COL21A1: variants seen among roughly 807,000 people sequenced by gnomAD.
The protein encoded by COL21A1 is collagen type XXI alpha 1 chain.
Under a neutral mutation model 137.9 loss-of-function variants are expected in COL21A1, and 149 were observed. The observed-to-expected ratio is 1.08, with a 90% CI of 0.95 to 1.24. The LOEUF is 1.24. COL21A1 is among the 50% of genes most tolerant of loss of function. The pLI is 0.00. For synonymous variants in COL21A1, 456 were observed against 391.5 expected (o/e 1.16, Z -1.95); for missense variants, 1,167 against 1,158.4 (o/e 1.01, Z -0.11).
chr6:56,339,324 C>T (rs898568907), intron 1 of COL21A1, among the ~76,000 whole-genome samples: 2 of 151,920 alleles, frequency 1.3e-5, no homozygotes, highest in African/African-American at 4.8e-5. Context: ...GTTTTATTAT[C>T]CAACATAAAT....
intron 1 of COL21A1, among the ~76,000 whole-genome samples, chr6:56,212,399 T>G (rs113274209): frequency 0.017 from 2,607 of 152,122 alleles, 74 homozygotes; most frequent in African/African-American, 0.06. Context: ...AATAAGAAAT[T>G]TTATAGCATA....
chr6:56,096,175 C>A (rs1489870949), intron 17 of COL21A1, among the ~76,000 whole-genome samples: 1 of 151,340 alleles, frequency 6.6e-6, no homozygotes, highest in African/African-American at 2.4e-5. Flanking sequence ...ACAATGCATA[C>A]CTTTCGACAA....
intron 1 of COL21A1, among the ~76,000 whole-genome samples, chr6:56,191,130 C>T (rs2840995): frequency 0.75 from 113,447 of 151,992 alleles, 42,927 homozygotes; most frequent in East Asian, 0.86. Context: ...GAAAGAAATA[C>T]TGGGTATTCA....
chr6:56,242,425 G>A (rs1782385520), intron 1 of COL21A1, among the ~76,000 whole-genome samples: 1 of 151,960 alleles, frequency 6.6e-6, no homozygotes. Flanking sequence ...TCTTTTCTTG[G>A]TCCTTAGTCT....
intron 1 of COL21A1, among the ~76,000 whole-genome samples, chr6:56,259,747 C>T (rs190359039): frequency 6.6e-6 from 1 of 152,290 alleles, no homozygotes; most frequent in East Asian, 1.9e-4. Context: ...CTTAGAAAAA[C>T]ATGCACTTTT....
chr6:56,268,888 CA>C (rs1763457213), intron 1 of COL21A1, among the ~76,000 whole-genome samples: 1 of 152,084 alleles, frequency 6.6e-6, no homozygotes, highest in Non-Finnish European at 1.5e-5. Flanking sequence ...TAAGATGATC[CA>C]AGAGCTGAAA....
At chr6:56,167,342 T>C (rs938222879) in intron 6 of COL21A1, among the ~76,000 whole-genome samples, 8 of 152,170 alleles carry the variant, frequency 5.3e-5, no homozygotes, top group African/African-American at 1.9e-4. Flanking sequence ...ACATTCCTGA[T>C]GGTATAGGGT....
intron 1 of COL21A1, among the ~76,000 whole-genome samples, chr6:56,280,819 T>A (rs1282534180): frequency 6.6e-6 from 1 of 152,076 alleles, no homozygotes; most frequent in Non-Finnish European, 1.5e-5. Context: ...AAGACCACCC[T>A]GGGCAACATG....
At chr6:56,382,735 CAGA>C (rs2094010861) in intron 1 of COL21A1, among the ~76,000 whole-genome samples, 1 of 152,078 alleles carries the variant, frequency 6.6e-6, no homozygotes, top group East Asian at 1.9e-4. Context: ...GGGCCCTCAC[CAGA>C]AACAAACCAT....
intron 16 of COL21A1, among the ~76,000 whole-genome samples, chr6:56,111,149 T>C (rs200627927): frequency 4.2e-5 from 3 of 71,232 alleles, no homozygotes; most frequent in Non-Finnish European, 8.2e-5. Context: ...GTTATCCTTT[T>C]CCAAAAAAAA....
At chr6:56,154,200 C>G (rs1775558698) in intron 10 of COL21A1, among the ~76,000 whole-genome samples, 1 of 152,178 alleles carries the variant, frequency 6.6e-6, no homozygotes, top group Non-Finnish European at 1.5e-5. Flanking sequence ...CTCACTCCCA[C>G]TCCACTACCT....
chr6:56,177,307 G>A lies in COL21A1; in HGVS notation c.640+2271C>T, dbSNP rs146284827. ...ATTTTGTTGTGATTCAACTACAGCA[G>A]AGTATAAAAATAAACAGTATTAGGA... On this transcript the variant is annotated intron_variant, in intron 3 of 29. Coordinates refer to ENST00000244728, the MANE Select transcript of COL21A1 (RefSeq NM_030820.4). Among the ~76,000 whole-genome samples the A allele has an allele frequency of 5.8e-4, 88 of 152,168 alleles. No homozygotes were observed. The East Asian group carries it at 0.013, about 22-fold the overall frequency.
At chr6:56,088,283 G>A (rs190697028) in intron 17 of COL21A1, among the ~76,000 whole-genome samples, 1 of 152,172 alleles carries the variant, frequency 6.6e-6, no homozygotes, top group East Asian at 1.9e-4. Context: ...AGAATTGCTT[G>A]ACCCCGGGAG....
chr6:56,142,070 A>G, intron 10 of COL21A1, 87 bp from the exon 11 acceptor site: 1 of 972,620 alleles, frequency 1.0e-6, no homozygotes, highest in Non-Finnish European at 1.5e-6. Context: ...CTCTTATCTC[A>G]AGTTTCTCAT....
chr6:56,285,354 GTTC>G (rs891925041), intron 1 of COL21A1, among the ~76,000 whole-genome samples: 9 of 152,138 alleles, frequency 5.9e-5, no homozygotes, highest in African/African-American at 2.2e-4. Flanking sequence ...AATGTGATAG[GTTC>G]TTCTTCTTTA....
At chr6:56,225,743 A>C (rs1781144144) in intron 1 of COL21A1, 1 of 152,088 alleles carries the variant, frequency 6.6e-6, no homozygotes, top group Admixed American at 6.6e-5. Flanking sequence ...AAAAGACAAG[A>C]AACACAATAA....
chr6:56,206,697 A>AATATATATATATATAT (rs1204449084), intron 1 of COL21A1, among the ~76,000 whole-genome samples: 3 of 32,296 alleles, frequency 9.3e-5, no homozygotes, highest in South Asian at 1.4e-3. Context: ...TAAATAAATA[A>AATATATATATATATAT]ATATATATAT....
chr6:56,114,140 C>A (rs529493921), intron 16 of COL21A1, among the ~76,000 whole-genome samples: 1 of 152,314 alleles, frequency 6.6e-6, no homozygotes, highest in African/African-American at 2.4e-5. Flanking sequence ...GTGGACCTCA[C>A]CATCCTGAAG....
intron 1 of COL21A1, among the ~76,000 whole-genome samples, chr6:56,285,947 T>A (rs1231669588): frequency 2.0e-5 from 3 of 152,198 alleles, no homozygotes; most frequent in Non-Finnish European, 2.9e-5. Flanking sequence ...ATGCTGATTT[T>A]ATTTACTTTT....
Sources: allele counts gnomAD v4.1 joint callset (sites outside exome capture counted in the v4.1 genomes callset), GRCh38; gene constraint gnomAD v4.1.1; transcripts MANE v1.5; gene names NCBI Gene and HGNC (gene_info 2026-07-23, HGNC 2026-07-21).